The following TIGD1 variants were observed in gnomAD, a reference collection of about 807,000 sequenced individuals.
TIGD1 encodes the protein tigger transposable element derived 1.
TIGD1 carries 20 observed loss-of-function variants against 21.3 expected under a neutral mutation model. The observed-to-expected ratio is 0.94, with a 90% CI of 0.66 to 1.36. The LOEUF (loss-of-function observed/expected upper bound fraction) is 1.36. TIGD1 is among the 40% of genes most tolerant of loss of function. The pLI is 0.00. For synonymous variants in TIGD1, 177 were observed against 123.2 expected, an observed-to-expected ratio of 1.44 and a Z score of -2.89; for missense variants, 556 against 350.5, an observed-to-expected ratio of 1.59 and a Z score of -4.68.
chr2:232,545,398 T>C lies in TIGD1; in HGVS notation c.*2709A>G. 2 of 759,014 alleles carry C rather than the reference T, an allele frequency of 2.6e-6. No homozygotes were observed. 47.0% of individuals were successfully genotyped at this position (759,014 alleles called of 1,614,324 possible). On this transcript the variant is annotated 3_prime_UTR_variant, in exon 1 of 1. Coordinates refer to ENST00000408957, the MANE Select transcript of TIGD1 (RefSeq NM_145702.4). ...CCTCAGGGCCAGGGGGCCATGGAATTAGCCACCAGTTGGGACCCGGACATA... is the reference window on the plus strand; with the variant it reads ...CCTCAGGGCCAGGGGGCCATGGAATCAGCCACCAGTTGGGACCCGGACATA...
In TIGD1 at chr2:232,544,218, G is replaced by A. The variant is rs575647479; in HGVS notation, c.*3889C>T. On this transcript the variant is annotated 3_prime_UTR_variant, in exon 1 of 1. Coordinates refer to ENST00000408957, the MANE Select transcript of TIGD1 (RefSeq NM_145702.4). The stretch of plus-strand genomic sequence containing the variant: ...CACTGAAGTTTGGGGACCCAGGCTC[G>A]TGTCCAGTATAGAAAGCTTTACCAA... The A allele has an allele frequency of 9.8e-5, 72 of 733,132 alleles. No individual in the cohort carries two copies. Among genetic ancestry groups the A allele is most frequent in the Non-Finnish European group, 9.1e-5 (37 of 404,394 alleles). The allele number at this position is 733,132 out of a possible 1,614,324, so 45.4% of individuals were successfully genotyped here.
rs778249955 is a variant in TIGD1, at chr2:232,550,548, A to G, written c.-666T>C. The G allele has an allele frequency of 6.1e-5, 48 of 791,818 alleles. No homozygotes were observed. In the South Asian group the frequency reaches 7.1e-4, roughly 12 times the overall value. 49.0% of individuals were successfully genotyped at this position (791,818 alleles called of 1,614,324 possible). A position where few individuals can be genotyped will look rare whatever the true frequency, so the allele number is the denominator to read the frequency against. ...AGCAGCCAGCTCCGCCGCTGAGTCC[A>G]GCCCTCTGCGCAGCCGCCCTGAGCT... On this transcript the variant is annotated 5_prime_UTR_variant, in exon 1 of 1. Transcript: ENST00000408957.
rs1036315840 is a variant in TIGD1, at chr2:232,549,866, G to C, written c.17C>G (p.Ser6Ter). 2.0e-6 allele frequency: 3 copies of C among 1,501,516 alleles called. No homozygotes were observed. Among genetic ancestry groups the C allele is most frequent in the Non-Finnish European group, 1.8e-6 (2 of 1,115,850 alleles). The allele number at this position is 1,501,516 out of a possible 1,614,324, so 93.0% of individuals were successfully genotyped here. A position where few individuals can be genotyped will look rare whatever the true frequency, so the allele number is the denominator to read the frequency against. MASKC[S>*]SERKSRTSLT... is the part of the protein sequence containing the mutation. ...AGATGTGCGACTCTTCCTTTCACTT[G>C]AGCACTTAGAGGCCATTGCAGAGTC... The change falls in exon 1 of 1, where the codon TCA (serine) becomes TGA (stop). Residue 6 changes from serine to a stop codon, truncating the protein, a stop_gained. Transcript: ENST00000408957. LOFTEE classifies it high-confidence loss of function.
chr2:232,548,187 G>C lies in TIGD1; in HGVS notation c.1696C>G (p.Leu566Val), dbSNP rs1323108264. The C allele has an allele frequency of 1.3e-6, 2 of 1,528,792 alleles. No individual in the cohort carries two copies. Among genetic ancestry groups the C allele is most frequent in the East Asian group, 4.9e-5 (2 of 40,770 alleles). The allele number at this position is 1,528,792 out of a possible 1,614,324, so 94.7% of individuals were successfully genotyped here. Residue 566 changes from leucine (L) to valine (V), a missense_variant, in exon 1 of 1, where the codon CTG (leucine) becomes GTG (valine). Transcript: ENST00000408957. The stretch of plus-strand genomic sequence containing the variant: ...GAGGTTGATGGTTGCTGACTGGTCA[G>C]GGTGGTGGCTGCTGAAGGTTGGGGT... Reference protein sequence around the residue: ...QPPQPSAATTLTSQQPSTSRQ... With the variant: ...QPPQPSAATTVTSQQPSTSRQ...
Position 232,548,039 on chromosome 2 carries a change from G to C in TIGD1, c.*68C>G. The C allele has an allele frequency of 1.8e-6, 1 of 559,494 alleles. No individual in the cohort carries two copies. The highest frequency in any genetic ancestry group is 1.9e-5 in the African/African-American group (1 of 52,294). 34.7% of individuals were successfully genotyped at this position (559,494 alleles called of 1,614,324 possible). ...ACTGTAGACCAGCAAGAGTGCAATA[G>C]CATTGTCTAATAAAACAATATACAT... On this transcript the variant is annotated 3_prime_UTR_variant, in exon 1 of 1. Coordinates refer to ENST00000408957, the MANE Select transcript of TIGD1 (RefSeq NM_145702.4).
In TIGD1 at chr2:232,549,100, C is replaced by T; in HGVS notation, c.783G>A (p.Trp261Ter). The change falls in exon 1 of 1, where the codon TGG becomes TGA. Residue 261 changes from tryptophan to a stop codon, truncating the protein, a stop_gained. Coordinates refer to ENST00000408957, the MANE Select transcript of TIGD1 (RefSeq NM_145702.4). LOFTEE classifies it high-confidence loss of function. ...TKSTLPVLYK[W>*]NSKARMTAHL... ...GTGCTGTCATCCGGGCTTTGCTGTT[C>T]CATTTATATAGCACGGGTAGAGTAG... 1.4e-6 allele frequency: 1 copy of T among 715,996 alleles called. No individual in the cohort carries two copies. Among genetic ancestry groups the T allele is most frequent in the Non-Finnish European group, 2.6e-6 (1 of 384,806 alleles). 44.4% of individuals were successfully genotyped at this position (715,996 alleles called of 1,614,324 possible). A position where few individuals can be genotyped will look rare whatever the true frequency, so the allele number is the denominator to read the frequency against.
chr2:232,550,005 A>C lies in TIGD1; in HGVS notation c.-123T>G. On this transcript the variant is annotated 5_prime_UTR_variant, in exon 1 of 1. An upstream open reading frame in the 5' UTR gains an earlier in-frame stop. Coordinates refer to ENST00000408957, the MANE Select transcript of TIGD1 (RefSeq NM_145702.4). The stretch of plus-strand genomic sequence containing the variant: ...GAGCGGTCAGAACACACACAACATT[A>C]AGTTCCACGTCTTATAAAAGACGCT... 1 of 562,186 alleles carries C rather than the reference A, an allele frequency of 1.8e-6. No individual in the cohort carries two copies. Among genetic ancestry groups the C allele is most frequent in the Non-Finnish European group, 3.2e-6 (1 of 317,034 alleles). 34.8% of individuals were successfully genotyped at this position (562,186 alleles called of 1,614,324 possible).
In TIGD1 at chr2:232,545,485, G is replaced by C. The variant is rs930071156; in HGVS notation, c.*2622C>G. 1.3e-6 allele frequency: 2 copies of C among 1,482,922 alleles called. No homozygotes were observed. The highest frequency in any genetic ancestry group is 1.9e-6 in the Non-Finnish European group (2 of 1,077,026). 91.9% of individuals were successfully genotyped at this position (1,482,922 alleles called of 1,614,324 possible). A position where few individuals can be genotyped will look rare whatever the true frequency, so the allele number is the denominator to read the frequency against. ...GCTGGAAGCCCAAGGATGAGAACAG[G>C]ACCCAGGGAAGACCTGGTGCCGCCG... On this transcript the variant is annotated 3_prime_UTR_variant, in exon 1 of 1. Transcript: ENST00000408957.
chr2:232,545,573 G>A lies in TIGD1; in HGVS notation c.*2534C>T. ...TGAGGAGTGGTTCCTGGTGGGCCGA[G>A]TGCTGGACCGCGTCTGCTTCCTGGC... On this transcript the variant is annotated 3_prime_UTR_variant, in exon 1 of 1. Transcript: ENST00000408957. 2 of 1,614,008 alleles carry A rather than the reference G, an allele frequency of 1.2e-6. No individual in the cohort carries two copies. The highest frequency in any genetic ancestry group is 1.7e-6 in the Non-Finnish European group (2 of 1,180,012).
rs1298173164 is a variant in TIGD1, at chr2:232,548,637, C to T, written c.1246G>A (p.Gly416Arg). Residue 416 changes from glycine to arginine, a missense_variant, in exon 1 of 1, where the codon GGG becomes AGG. Transcript: ENST00000408957. ...LIPTLIDDYE[G>R]FKTSVEEVSA... ...ACTTCCTCCACTGAAGTCTTGAACCCCTCATAGTCATCAATGAGGGTGGGA... is the reference window on the plus strand; with the variant it reads ...ACTTCCTCCACTGAAGTCTTGAACCTCTCATAGTCATCAATGAGGGTGGGA... 8 of 514,940 alleles carry T rather than the reference C, an allele frequency of 1.6e-5. No individual in the cohort carries two copies. The highest frequency in any genetic ancestry group is 2.6e-5 in the Non-Finnish European group (7 of 272,314). The allele number at this position is 514,940 out of a possible 1,614,324, so 31.9% of individuals were successfully genotyped here.
In TIGD1 at chr2:232,550,524, G is replaced by C. The variant is rs890493017; in HGVS notation, c.-642C>G. On this transcript the variant is annotated 5_prime_UTR_variant, in exon 1 of 1. Transcript: ENST00000408957. ...CTGGACAGAGGCAGAACTGAGGCCAGCAGCCAGCTCCGCCGCTGAGTCCAG... is the reference window on the plus strand; with the variant it reads ...CTGGACAGAGGCAGAACTGAGGCCACCAGCCAGCTCCGCCGCTGAGTCCAG... The C allele has an allele frequency of 3.1e-6, 2 of 648,168 alleles. No individual in the cohort carries two copies. Among genetic ancestry groups the C allele is most frequent in the South Asian group, 1.9e-5 (1 of 52,142 alleles). The allele number at this position is 648,168 out of a possible 1,614,324, so 40.2% of individuals were successfully genotyped here. A position where few individuals can be genotyped will look rare whatever the true frequency, so the allele number is the denominator to read the frequency against.
Position 232,548,593 on chromosome 2 carries a change from T to C in TIGD1, c.1290A>G (p.Glu430=), listed in dbSNP as rs901550444. The C allele has an allele frequency of 1.6e-5, 9 of 574,096 alleles. No homozygotes were observed. In the Admixed American group the frequency reaches 2.0e-4, roughly 13 times the overall value. The allele number at this position is 574,096 out of a possible 1,614,324, so 35.6% of individuals were successfully genotyped here. A position where few individuals can be genotyped will look rare whatever the true frequency, so the allele number is the denominator to read the frequency against. The change falls in exon 1 of 1, where the codon GAA becomes GAG. Residue 430 remains glutamate (E), a synonymous_variant. Coordinates refer to ENST00000408957, the MANE Select transcript of TIGD1 (RefSeq NM_145702.4). The part of the protein sequence containing the change: ...SVEEVSADVV[E]IAKELELEVE... The stretch of plus-strand genomic sequence containing the variant: ...CTTCTAATTCTAGTTCTTTTGCTAT[T>C]TCCACCACATCTGCACTTACTTCCT...
rs1559309516 is a variant in TIGD1, at chr2:232,550,400, A to G, written c.-518T>C. On this transcript the variant is annotated 5_prime_UTR_variant, in exon 1 of 1. Transcript: ENST00000408957. ...GGTTTTTACCAAGCAGCGAGTCCAG[A>G]GCCCGCGCCGTCAACGACGCGGTGC... 2 of 489,472 alleles carry G rather than the reference A, an allele frequency of 4.1e-6. No homozygotes were observed. The highest frequency in any genetic ancestry group is 7.4e-6 in the Non-Finnish European group (2 of 270,000). 30.3% of individuals were successfully genotyped at this position (489,472 alleles called of 1,614,324 possible). A position where few individuals can be genotyped will look rare whatever the true frequency, so the allele number is the denominator to read the frequency against.
chr2:232,544,329 C>A lies in TIGD1; in HGVS notation c.*3778G>T. ...CCAACCTCTGGCTTCTGCTCTGAAGCTCGGCCTGCTGCCCTAGTGAAGCCA... is the reference window on the plus strand; with the variant it reads ...CCAACCTCTGGCTTCTGCTCTGAAGATCGGCCTGCTGCCCTAGTGAAGCCA... On this transcript the variant is annotated 3_prime_UTR_variant, in exon 1 of 1. Transcript: ENST00000408957. 6.6e-7 allele frequency: 1 copy of A among 1,510,572 alleles called. No homozygotes were observed. The highest frequency in any genetic ancestry group is 9.2e-7 in the Non-Finnish European group (1 of 1,088,072). The allele number at this position is 1,510,572 out of a possible 1,614,324, so 93.6% of individuals were successfully genotyped here.
chr2:232,544,401 T>TGCA lies in TIGD1; in HGVS notation c.*3703_*3705dup. On this transcript the variant is annotated 3_prime_UTR_variant, in exon 1 of 1. Transcript: ENST00000408957. ...AGGCTCTTGCCCCAGCTGCTGAGGA[T>TGCA]GCACGTTCGCCCGCTGGCCCCGGCA... 1.2e-6 allele frequency: 2 copies of TGCA among 1,613,474 alleles called. No homozygotes were observed. The highest frequency in any genetic ancestry group is 1.7e-6 in the Non-Finnish European group (2 of 1,180,004).
In TIGD1 at chr2:232,549,003, GA is replaced by G. The variant is rs1271655531; in HGVS notation, c.879del (p.Pro294LeufsTer18). 7 of 702,010 alleles carry G rather than the reference GA, an allele frequency of 1.0e-5. No homozygotes were observed. Among genetic ancestry groups the G allele is most frequent in the African/African-American group, 8.8e-5 (5 of 57,046 alleles). 43.5% of individuals were successfully genotyped at this position (702,010 alleles called of 1,614,324 possible). A position where few individuals can be genotyped will look rare whatever the true frequency, so the allele number is the denominator to read the frequency against. On this transcript the variant is annotated frameshift_variant, in exon 1 of 1. Transcript: ENST00000408957. LOFTEE classifies it high-confidence loss of function. The part of the protein sequence containing the change: ...TVETYCSEKK[I>X]PFKILLLIDN... ...TCAATGAGCAGTAATATTTTGAAAG[GA>G]ATCTTCTTTTCTGAGCAGTAGGTCT...
Position 232,547,851 on chromosome 2 carries a change from T to C in TIGD1, c.*256A>G, listed in dbSNP as rs1692158410. The C allele has an allele frequency of 1.2e-5, 4 of 340,762 alleles. No homozygotes were observed. Among genetic ancestry groups the C allele is most frequent in the Non-Finnish European group, 2.1e-5 (4 of 190,236 alleles). The allele number at this position is 340,762 out of a possible 1,614,324, so 21.1% of individuals were successfully genotyped here. A position where few individuals can be genotyped will look rare whatever the true frequency, so the allele number is the denominator to read the frequency against. Reference sequence around the variant, plus strand: ...ACTCAAATGTTAACATTAGCTGCCATTACTATAAGTTACTGTCTCATGGGA... The same window carrying C: ...ACTCAAATGTTAACATTAGCTGCCACTACTATAAGTTACTGTCTCATGGGA... On this transcript the variant is annotated 3_prime_UTR_variant, in exon 1 of 1. Transcript: ENST00000408957.
rs944288485 is a variant in TIGD1 at position 232,545,897 on chromosome 2, T to A, written c.*2210A>T. The A allele has an allele frequency of 3.7e-5, 28 of 750,462 alleles. No individual in the cohort carries two copies. The highest frequency in any genetic ancestry group is 5.5e-5 in the Non-Finnish European group (24 of 440,162). 46.5% of individuals were successfully genotyped at this position (750,462 alleles called of 1,614,324 possible). A position where few individuals can be genotyped will look rare whatever the true frequency, so the allele number is the denominator to read the frequency against. On this transcript the variant is annotated 3_prime_UTR_variant, in exon 1 of 1. Transcript: ENST00000408957. ...AGTCTGAGCTGGAGTCCGAGAGTGGTTGGGGGTGGGCCGTGGCTAGTGTCC... is the reference window on the plus strand; with the variant it reads ...AGTCTGAGCTGGAGTCCGAGAGTGGATGGGGGTGGGCCGTGGCTAGTGTCC...
At position 232,550,118 on chromosome 2, in the gene TIGD1, GT is replaced by G; in HGVS notation, c.-237del. 4.9e-6 allele frequency: 2 copies of G among 412,222 alleles called. No homozygotes were observed. Among genetic ancestry groups the G allele is most frequent in the Non-Finnish European group, 8.9e-6 (2 of 225,630 alleles). The allele number at this position is 412,222 out of a possible 1,614,324, so 25.5% of individuals were successfully genotyped here. On this transcript the variant is annotated 5_prime_UTR_variant, in exon 1 of 1. Transcript: ENST00000408957. ...TAACAGACACAGAAATCATGAAAAA[GT>G]TTTAAATATTTTGAGAATTACCAAA...
Sources: allele counts gnomAD v4.1 joint callset, GRCh38; gene constraint gnomAD v4.1.1; transcripts MANE v1.5; gene names NCBI Gene and HGNC (gene_info 2026-07-23, HGNC 2026-07-21).